The following ANXA10 variants were observed in gnomAD, a reference collection of about 807,000 sequenced individuals.
ANXA10 encodes annexin 14.
Under a neutral mutation model 53.5 loss-of-function variants are expected in ANXA10, and 49 were observed. The observed-to-expected ratio is 0.92, with a 90% CI of 0.73 to 1.16. ANXA10 has a LOEUF of 1.16. ANXA10 is among the 50% of genes most tolerant of loss of function. The probability of loss-of-function intolerance (pLI) is 0.00; values close to 1 mark genes in which losing one functional copy is unlikely to be tolerated. For synonymous variants in ANXA10, 131 were observed against 128.9 expected (o/e 1.02, Z -0.11); for missense variants, 393 against 394.4 (o/e 1.00, Z 0.03).
intron 2 of ANXA10, among the ~76,000 whole-genome samples, chr4:168,129,530 T>C (rs1731125656): frequency 6.6e-6 from 1 of 152,128 alleles, no homozygotes; most frequent in African/African-American, 2.4e-5. Context: ...CTGAAGTACG[T>C]CAGGAGGTTT....
chr4:168,184,426 G>A (rs540772174), intron 10 of ANXA10, 133 bp from the exon 11 acceptor site: 13 of 1,001,096 alleles, frequency 1.3e-5, no homozygotes, highest in African/African-American at 1.1e-4. Context: ...CAGCCTGTGT[G>A]GCCAGTGATG....
At position 168,187,548 on chromosome 4, in the gene ANXA10, TTTCTC is replaced by T. The variant is rs1238761017; in HGVS notation, c.*119_*123del. ...TATTAACAAAACTATACAATCATAT[TTTCTC>T]TTCTATCTTTGAAATTATTCTAAGC... is the stretch of plus-strand genomic sequence containing the variant. On this transcript the variant is annotated 3_prime_UTR_variant, in exon 12 of 12. Coordinates refer to ENST00000359299, the MANE Select transcript of ANXA10 (RefSeq NM_007193.5). The T allele has an allele frequency of 1.7e-6, 1 of 574,412 alleles. No homozygotes were observed. Among genetic ancestry groups the T allele is most frequent in the African/African-American group, 1.9e-5 (1 of 51,510 alleles). The allele number at this position is 574,412 out of a possible 1,614,324, so 35.6% of individuals were successfully genotyped here. A position where few individuals can be genotyped will look rare whatever the true frequency, so the allele number is the denominator to read the frequency against.
chr4:168,136,505 C>G (rs984230151), intron 2 of ANXA10, among the ~76,000 whole-genome samples: 1 of 152,134 alleles, frequency 6.6e-6, no homozygotes, highest in African/African-American at 2.4e-5. Flanking sequence ...ACTAGAGGCC[C>G]TATGCAAGCC....
chr4:168,149,337 G>A (rs986806338), intron 3 of ANXA10, among the ~76,000 whole-genome samples: 2 of 152,102 alleles, frequency 1.3e-5, no homozygotes, highest in African/African-American at 4.8e-5. Context: ...CACATATGTA[G>A]AATATTTTTG....
Position 168,157,999 on chromosome 4 carries a change from T to C in ANXA10, c.196-4529T>C, listed in dbSNP as rs1339935315. Among the ~76,000 whole-genome samples the C allele has an allele frequency of 2.6e-5, 4 of 152,320 alleles. No individual in the cohort carries two copies. The East Asian group carries it at 7.7e-4, about 29-fold the overall frequency. ...ATTGTTTTTAAATATATGTTTAAAC[T>C]CATGAGAAACTACAAAAGAGTTTGC... On this transcript the variant is annotated intron_variant, in intron 3 of 11. Transcript: ENST00000359299.
intron 1 of ANXA10, among the ~76,000 whole-genome samples, chr4:168,100,953 T>C (rs1730628988): frequency 6.6e-6 from 1 of 152,254 alleles, no homozygotes. Context: ...GTTTAGATTA[T>C]ACCAGTATTT....
At chr4:168,174,720 G>C (rs746825581) in intron 6 of ANXA10, among the ~76,000 whole-genome samples, 2 of 152,198 alleles carry the variant, frequency 1.3e-5, no homozygotes, top group Non-Finnish European at 2.9e-5. Context: ...CTATGAAAAG[G>C]CCGAAGAAAA....
intron 2 of ANXA10, among the ~76,000 whole-genome samples, chr4:168,138,479 T>G (rs1560968935): frequency 6.6e-6 from 1 of 152,208 alleles, no homozygotes; most frequent in Non-Finnish European, 1.5e-5. Flanking sequence ...AGTAGCATGC[T>G]GTTTTGATTA....
chr4:168,155,616 T>C (rs1443541537), intron 3 of ANXA10, among the ~76,000 whole-genome samples: 2 of 65,786 alleles, frequency 3.0e-5, no homozygotes, highest in Non-Finnish European at 5.2e-5. Context: ...TATAATTATA[T>C]ATTATAAATA....
At position 168,155,929 on chromosome 4, in the gene ANXA10, TTA is replaced by T. The variant is rs1365731047; in HGVS notation, c.196-6595_196-6594del. Among the ~76,000 whole-genome samples, 31 of 83,306 alleles carry T rather than the reference TTA, an allele frequency of 3.7e-4. 7 individuals are homozygous for T. Among genetic ancestry groups the T allele is most frequent in the Admixed American group, 7.1e-4 (6 of 8,426 alleles). 54.7% of individuals were successfully genotyped at this position (83,306 alleles called of 152,430 possible). On this transcript the variant is annotated intron_variant, in intron 3 of 11. Transcript: ENST00000359299. Reference sequence around the variant, plus strand: ...CATATATTATATTATATATCATATATTATATGTTATATATAATATATGATATA... The same window carrying T: ...CATATATTATATTATATATCATATATTATGTTATATATAATATATGATATA...
chr4:168,120,237 A>G (rs1730962544), intron 1 of ANXA10, among the ~76,000 whole-genome samples: 2 of 152,104 alleles, frequency 1.3e-5, no homozygotes, highest in African/African-American at 4.8e-5. Context: ...GAAGCCTCGA[A>G]CCTAGAAATA....
chr4:168,095,913 A>T (rs1023884266), intron 1 of ANXA10, among the ~76,000 whole-genome samples: 1 of 152,150 alleles, frequency 6.6e-6, no homozygotes, highest in East Asian at 1.9e-4. Context: ...CTTTACAAAG[A>T]TGCTTTGACT....
intron 3 of ANXA10, among the ~76,000 whole-genome samples, chr4:168,158,548 T>C (rs1430783917): frequency 6.6e-6 from 1 of 152,196 alleles, no homozygotes; most frequent in Non-Finnish European, 1.5e-5. Flanking sequence ...GATTTAGTTT[T>C]GGCTTTTCTT....
At chr4:168,118,988 CA>C (rs1213236263) in intron 1 of ANXA10, among the ~76,000 whole-genome samples, 1 of 152,022 alleles carries the variant, frequency 6.6e-6, no homozygotes, top group Non-Finnish European at 1.5e-5. Context: ...TCAAAGATGA[CA>C]AAAACTCAAC....
rs150555063 is a variant in ANXA10, at chr4:168,177,974, C to T, written c.619C>T (p.Leu207=). The change falls in exon 8 of 12, where the codon CTG becomes TTG. Residue 207 remains leucine, a synonymous_variant. Coordinates refer to ENST00000359299, the MANE Select transcript of ANXA10 (RefSeq NM_007193.5). The part of the protein sequence containing the change: ...MILCNKSYQQ[L]RLVFQEFQNI... ...CCTGTGCAACAAGAGCTACCAGCAG[C>T]TGCGGCTGGGTAATTATTAACTGGG... 3.2e-4 allele frequency: 513 copies of T among 1,613,430 alleles called. 2 individuals are homozygous for T. The East Asian group carries it at 8.9e-3, about 28-fold the overall frequency.
At chr4:168,165,615 A>G (rs2149477827) in intron 6 of ANXA10, among the ~76,000 whole-genome samples, 1 of 152,272 alleles carries the variant, frequency 6.6e-6, no homozygotes, top group South Asian at 2.1e-4. Flanking sequence ...ATATTCTGAG[A>G]AAATTAAAAG....
At chr4:168,179,383 A>T (rs1732196032) in intron 9 of ANXA10, 71 bp downstream of exon 9, 3 of 1,065,282 alleles carry the variant, frequency 2.8e-6, no homozygotes, top group Non-Finnish European at 4.2e-6. Context: ...CTCTGATTGA[A>T]CTAAAGATGC....
In ANXA10 at chr4:168,110,687, C is replaced by T. The variant is rs142663713; in HGVS notation, c.19-17397C>T. 6.7e-3 allele frequency among the ~76,000 whole-genome samples: 1,011 copies of T among 151,970 alleles called. 12 individuals carry two copies. Among genetic ancestry groups the T allele is most frequent in the African/African-American group, 0.023 (961 of 41,448 alleles). On this transcript the variant is annotated intron_variant, in intron 1 of 11. Transcript: ENST00000359299. ...AGTTCTTTAGTATATAGTTAAACAA[C>T]TTATTTATGGATTGCCCAGGCCAGG... is the stretch of plus-strand genomic sequence containing the variant.
intron 2 of ANXA10, among the ~76,000 whole-genome samples, chr4:168,130,676 G>T (rs1731142994): frequency 1.3e-5 from 2 of 151,932 alleles, no homozygotes; most frequent in South Asian, 2.1e-4. Flanking sequence ...GATTGTCTAT[G>T]AGTTTGGGTA....
Sources: gnomAD v4.1 joint callset for allele counts (sites outside exome capture counted in the v4.1 genomes callset) on GRCh38, gnomAD v4.1.1 for gene constraint, MANE v1.5 for transcripts, NCBI Gene and HGNC (gene_info 2026-07-23, HGNC 2026-07-21) for gene names.